The following XPO5 variants were observed in gnomAD, a reference collection of about 807,000 sequenced individuals.
The protein encoded by XPO5 is exportin-5.
A neutral mutation model predicts 160.6 loss-of-function variants in XPO5; 46 were observed. That is an observed-to-expected ratio of 0.29 (90% CI 0.23 to 0.37). XPO5 has a LOEUF of 0.37. Among genes scored for constraint, XPO5 ranks in the 10% least tolerant of loss-of-function variants. The pLI is 1.00. For missense variants in XPO5, 1,090 were observed against 1,463.9 expected, an observed-to-expected ratio of 0.74 and a Z score of 4.17; for synonymous variants, 537 against 519.3, an observed-to-expected ratio of 1.03 and a Z score of -0.46.
At chr6:43,545,507 G>C (rs1267324153) in intron 20 of XPO5, among the ~76,000 whole-genome samples, 4 of 152,056 alleles carry the variant, frequency 2.6e-5, no homozygotes, top group Non-Finnish European at 5.9e-5. Flanking sequence ...AGGAGTTCGA[G>C]ACCAGCCTGG....
rs1391468283 is a variant in XPO5 at position 43,564,921 on chromosome 6, TCTC to T, written c.911+736_911+738del. Among the ~76,000 whole-genome samples the T allele has an allele frequency of 1.1e-4, 16 of 147,652 alleles. No homozygotes were observed. The East Asian group carries it at 2.2e-3, about 20-fold the overall frequency. ...ATTCAGCCATGACTGCCTCATTTTC[TCTC>T]TTTTTTTTTTTTTTTTGAGACAGAG... On this transcript the variant is annotated intron_variant, in intron 8 of 31. Coordinates refer to ENST00000265351, the MANE Select transcript of XPO5 (RefSeq NM_020750.3).
Position 43,548,359 on chromosome 6 carries a change from G to A in XPO5, c.1962C>T (p.Leu654=). The change falls in exon 18 of 32, where the codon CTC becomes CTT. Residue 654 remains leucine (L), a synonymous_variant. Coordinates refer to ENST00000265351, the MANE Select transcript of XPO5 (RefSeq NM_020750.3). The part of the protein sequence containing the change: ...EKCALMEALV[L]ISNQFKNYER... ...CGTAGTTCTTAAATTGGTTGCTAAT[G>A]AGAACCAGGGCTTCCATGAGGGCAC... The A allele has an allele frequency of 6.2e-7, 1 of 1,613,754 alleles. No homozygotes were observed. Among genetic ancestry groups the A allele is most frequent in the Non-Finnish European group, 8.5e-7 (1 of 1,179,716 alleles).
intron 20 of XPO5, chr6:43,539,270 T>C (rs1232508548): frequency 2.0e-6 from 3 of 1,489,814 alleles, no homozygotes; most frequent in African/African-American, 1.4e-5. Context: ...GGCCACCTCC[T>C]TGGAGCACTT....
rs750279619 is a variant in XPO5, at chr6:43,547,708, C to G, written c.2061-1G>C. On this transcript the variant is annotated splice_acceptor_variant, in intron 18 of 31. Coordinates refer to ENST00000265351, the MANE Select transcript of XPO5 (RefSeq NM_020750.3). LOFTEE classifies it high-confidence loss of function. The stretch of plus-strand genomic sequence containing the variant: ...GAAAGCATCAACATCTGACAGCACT[C>G]TGAAGGTTGGAGGGGGAAAAACAAG... 1 of 1,613,864 alleles carries G rather than the reference C, an allele frequency of 6.2e-7. No individual in the cohort carries two copies. Among genetic ancestry groups the G allele is most frequent in the Non-Finnish European group, 8.5e-7 (1 of 1,179,798 alleles).
chr6:43,565,799 G>GT (rs1762667916), intron 7 of XPO5, 63 bp from the exon 8 acceptor site: 2 of 1,264,280 alleles, frequency 1.6e-6, no homozygotes, highest in Non-Finnish European at 2.2e-6. Context: ...GACATCTTCT[G>GT]TAAGTATATA....
chr6:43,531,929 C>T (rs998598473), intron 21 of XPO5, among the ~76,000 whole-genome samples: 4 of 152,094 alleles, frequency 2.6e-5, no homozygotes, highest in African/African-American at 9.7e-5. Flanking sequence ...TTACACAAAA[C>T]ACTAAGATGT....
intron 1 of XPO5, among the ~76,000 whole-genome samples, chr6:43,574,911 G>GCACC (rs1260119277): frequency 1.3e-5 from 2 of 152,168 alleles, no homozygotes; most frequent in African/African-American, 4.8e-5. Context: ...TTTCCTCCAA[G>GCACC]TGGTGGTCAC....
Position 43,533,984 on chromosome 6 carries a change from G to A in XPO5, c.2366C>T (p.Pro789Leu), listed in dbSNP as rs1794160594. 1 of 1,604,270 alleles carries A rather than the reference G, an allele frequency of 6.2e-7. No individual in the cohort carries two copies. Among genetic ancestry groups the A allele is most frequent in the East Asian group, 2.3e-5 (1 of 44,432 alleles). Reference protein sequence around the residue: ...LIRTHNTLYAPEMLAKMAEPF... With the variant: ...LIRTHNTLYALEMLAKMAEPF... The stretch of plus-strand genomic sequence containing the variant: ...CTCTGCCATTTTGGCTAGCATTTCT[G>A]GTGCATATAATGTATTGTGGGTTCT... Residue 789 changes from proline (P) to leucine (L), a missense_variant, in exon 21 of 32, where the codon CCA becomes CTA. Pro to Leu is a moderately conservative substitution (Grantham distance 98, BLOSUM62 -3). Coordinates refer to ENST00000265351, the MANE Select transcript of XPO5 (RefSeq NM_020750.3).
intron 12 of XPO5, chr6:43,556,187 T>C (rs756566566): frequency 1.7e-5 from 8 of 482,548 alleles, no homozygotes; most frequent in Admixed American, 3.7e-5. Context: ...CTAGATCCTG[T>C]AAGTGGCAAA....
At chr6:43,564,656 G>A (rs910049365) in intron 8 of XPO5, among the ~76,000 whole-genome samples, 3 of 152,082 alleles carry the variant, frequency 2.0e-5, no homozygotes, top group Admixed American at 6.5e-5. Flanking sequence ...AGGCTGGAGT[G>A]TAGTGGCATG....
intron 21 of XPO5, chr6:43,533,636 A>G (rs1794138934): frequency 1.2e-5 from 3 of 253,402 alleles, no homozygotes; most frequent in Non-Finnish European, 2.4e-5. Context: ...TAAGAGTTCA[A>G]GACCAGCCTG....
intron 28 of XPO5, 139 bp downstream of exon 28, chr6:43,525,700 C>T: frequency 1.1e-6 from 1 of 895,480 alleles, no homozygotes; most frequent in Non-Finnish European, 1.7e-6. Flanking sequence ...TCGGTTTTTT[C>T]TGGGGCCTTT....
At chr6:43,534,677 T>C (rs1211539933) in intron 20 of XPO5, among the ~76,000 whole-genome samples, 1 of 152,068 alleles carries the variant, frequency 6.6e-6, no homozygotes, top group Admixed American at 6.6e-5. Context: ...TGTTTAAACC[T>C]CCATAGTTTG....
chr6:43,549,630 G>T, intron 16 of XPO5, 52 bp from the exon 17 acceptor site: 3 of 1,572,320 alleles, frequency 1.9e-6, no homozygotes, highest in Non-Finnish European at 2.6e-6. Context: ...TAATATACAG[G>T]TGCTGCATAG....
chr6:43,548,718 TTA>T (rs1369068000), intron 17 of XPO5, among the ~76,000 whole-genome samples: 7 of 149,990 alleles, frequency 4.7e-5, no homozygotes, highest in Admixed American at 1.3e-4. Context: ...TCAGCTTGTT[TTA>T]TATATATATA....
intron 17 of XPO5, among the ~76,000 whole-genome samples, chr6:43,548,694 C>T (rs1214729471): frequency 6.6e-6 from 1 of 151,564 alleles, no homozygotes; most frequent in African/African-American, 2.4e-5. Context: ...TCCCATACTA[C>T]AACTGTGAAA....
chr6:43,553,740 G>T (rs531343105), intron 13 of XPO5: 2 of 763,694 alleles, frequency 2.6e-6, no homozygotes, highest in African/African-American at 3.5e-5. Context: ...CTAACAATGA[G>T]CGGTCTGAAT....
At chr6:43,565,629 A>T (rs778550321) in intron 8 of XPO5, 31 bp downstream of exon 8, 18 of 1,527,796 alleles carry the variant, frequency 1.2e-5, no homozygotes, top group Non-Finnish European at 1.5e-5. Context: ...CAAAGAAATT[A>T]GAAAACACAC....
intron 7 of XPO5, 66 bp downstream of exon 7, chr6:43,567,103 G>A: frequency 1.4e-6 from 2 of 1,455,472 alleles, no homozygotes; most frequent in Non-Finnish European, 1.8e-6. Context: ...GCCACAACAT[G>A]CAATTAAACA....
Sources: allele counts gnomAD v4.1 joint callset (sites outside exome capture counted in the v4.1 genomes callset), GRCh38; gene constraint gnomAD v4.1.1; transcripts MANE v1.5; gene names NCBI Gene and HGNC (gene_info 2026-07-23, HGNC 2026-07-21).